TMEM132D: variants seen among roughly 807,000 people sequenced by gnomAD.
TMEM132D encodes the protein mature OL transmembrane protein.
In TMEM132D, 21 loss-of-function variants were observed where a neutral mutation model predicts 62.3. The observed-to-expected ratio is 0.34, with a 90% CI of 0.24 to 0.49. The LOEUF (loss-of-function observed/expected upper bound fraction) is 0.49, where lower values mean the gene tolerates loss of function less well. Ranked by LOEUF, TMEM132D falls within the 20% of genes least tolerant of loss-of-function variation. The pLI is 0.99. For missense variants in TMEM132D, 1,346 were observed against 1,402.8 expected (o/e 0.96, Z 0.65); for synonymous variants, 621 against 575.6 (o/e 1.08, Z -1.13).
At chr12:129,364,273 C>T (rs57517111) in intron 3 of TMEM132D, among the ~76,000 whole-genome samples, 4 of 152,196 alleles carry the variant, frequency 2.6e-5, no homozygotes, top group Admixed American at 6.5e-5. Flanking sequence ...AATTGTAACT[C>T]TCTTTGAGTG....
chr12:129,700,165 G>T lies in TMEM132D; in HGVS notation c.613C>A (p.Pro205Thr), dbSNP rs141605203. Residue 205 changes from proline to threonine, a missense_variant, in exon 2 of 9, where the codon CCC (proline) becomes ACC (threonine). Pro to Thr is a conservative substitution (Grantham distance 38). Transcript: ENST00000422113. ...CTCCTCCCGGCAACCACCGTGGGGG[G>T]GCTGAACCAGCTGGACAGGAGCTCC... is the stretch of plus-strand genomic sequence containing the variant. ...ELELLSSWFS[P>T]PTVVAGRRKS... 2.1e-4 allele frequency: 331 copies of T among 1,612,872 alleles called. 1 individual carries two copies. The highest frequency in any genetic ancestry group is 9.9e-4 in the Middle Eastern group (6 of 6,082).
chr12:129,707,198 T>G (rs998368705), intron 1 of TMEM132D, among the ~76,000 whole-genome samples: 1 of 147,940 alleles, frequency 6.8e-6, no homozygotes, highest in Non-Finnish European at 1.5e-5. Context: ...AACATTGTAA[T>G]ATAATATATA....
intron 5 of TMEM132D, among the ~76,000 whole-genome samples, chr12:129,188,762 G>GGAGAGAGAGGGAGAGAGGGA (rs1878294442): frequency 2.4e-5 from 3 of 126,224 alleles, no homozygotes; most frequent in African/African-American, 8.7e-5. Context: ...AGGGAGAGAG[G>GGAGAGAGAGGGAGAGAGGGA]GAGAGAGAGA....
chr12:129,086,199 CGCGTGTGT>C (rs1319451257), intron 5 of TMEM132D, among the ~76,000 whole-genome samples: 34 of 116,182 alleles, frequency 2.9e-4, no homozygotes, highest in East Asian at 2.5e-3. Context: ...GTCACGCGCG[CGCGTGTGT>C]GTGTGTGTGT....
intron 5 of TMEM132D, among the ~76,000 whole-genome samples, chr12:129,175,618 G>T (rs910967037): frequency 2.0e-5 from 3 of 152,172 alleles, no homozygotes; most frequent in African/African-American, 7.2e-5. Context: ...TGACGCAAGA[G>T]AATCACTTGA....
chr12:129,831,814 G>A (rs1030479707), intron 1 of TMEM132D, among the ~76,000 whole-genome samples: 27 of 151,472 alleles, frequency 1.8e-4, no homozygotes, highest in African/African-American at 6.5e-4. Context: ...GTTTGTGCAT[G>A]ACCTCCAAAT....
chr12:129,356,526 T>G (rs933711070), intron 3 of TMEM132D, among the ~76,000 whole-genome samples: 8 of 151,394 alleles, frequency 5.3e-5, no homozygotes, highest in Non-Finnish European at 1.2e-4. Flanking sequence ...TGGCAATAAA[T>G]AAGAAACGAG....
At chr12:129,883,087 T>G (rs1874650050) in intron 1 of TMEM132D, among the ~76,000 whole-genome samples, 1 of 152,000 alleles carries the variant, frequency 6.6e-6, no homozygotes, top group South Asian at 2.1e-4. Context: ...GCATAAAGAC[T>G]GAAAAGCAAG....
At chr12:129,558,489 C>A (rs148578219) in intron 2 of TMEM132D, among the ~76,000 whole-genome samples, 148 of 152,294 alleles carry the variant, frequency 9.7e-4, no homozygotes, top group African/African-American at 3.3e-3. Flanking sequence ...TAGATCAGCT[C>A]AGTGGGTGAT....
At chr12:129,446,775 C>CCT (rs1163147174) in intron 3 of TMEM132D, among the ~76,000 whole-genome samples, 3 of 152,158 alleles carry the variant, frequency 2.0e-5, no homozygotes, top group African/African-American at 7.2e-5. Context: ...ACAATTTCCC[C>CCT]CTCTCTTACT....
At chr12:129,709,812 TATC>T (rs1472719706) in intron 1 of TMEM132D, among the ~76,000 whole-genome samples, 1 of 152,226 alleles carries the variant, frequency 6.6e-6, no homozygotes, top group Admixed American at 6.5e-5. Flanking sequence ...CAAAAATGTA[TATC>T]ATATTTCATA....
intron 2 of TMEM132D, among the ~76,000 whole-genome samples, chr12:129,665,683 A>G (rs1400014060): frequency 6.6e-6 from 1 of 152,106 alleles, no homozygotes; most frequent in African/African-American, 2.4e-5. Context: ...ATGGGTAGAG[A>G]CTTGCTATGT....
intron 3 of TMEM132D, among the ~76,000 whole-genome samples, chr12:129,459,341 A>T (rs934020033): frequency 1.3e-5 from 2 of 152,180 alleles, no homozygotes; most frequent in African/African-American, 4.8e-5. Flanking sequence ...ACACTTAACA[A>T]TGAGTCATGC....
chr12:129,673,796 G>A (rs1880564640), intron 2 of TMEM132D, among the ~76,000 whole-genome samples: 1 of 152,152 alleles, frequency 6.6e-6, no homozygotes, highest in Admixed American at 6.6e-5. Context: ...AGCAATCTGA[G>A]AGTCCCTTAA....
At chr12:129,828,113 A>T (rs1484135271) in intron 1 of TMEM132D, among the ~76,000 whole-genome samples, 1 of 152,188 alleles carries the variant, frequency 6.6e-6, no homozygotes, top group East Asian at 1.9e-4. Flanking sequence ...ATATGCAAAG[A>T]TACCCACAGT....
intron 2 of TMEM132D, among the ~76,000 whole-genome samples, chr12:129,588,537 G>C (rs1407524141): frequency 6.6e-6 from 1 of 152,034 alleles, no homozygotes; most frequent in African/African-American, 2.4e-5. Flanking sequence ...TGGATGAAAG[G>C]TGAATTGTGG....
intron 4 of TMEM132D, among the ~76,000 whole-genome samples, chr12:129,272,504 AT>A (rs1880880250): frequency 6.6e-6 from 1 of 151,898 alleles, no homozygotes; most frequent in Admixed American, 6.5e-5. Context: ...GAGGTTCTTG[AT>A]AAATGGGGTA....
chr12:129,720,384 C>A (rs1275277956), intron 1 of TMEM132D, among the ~76,000 whole-genome samples: 1 of 152,168 alleles, frequency 6.6e-6, no homozygotes, highest in Admixed American at 6.5e-5. Context: ...GATTCTAGAA[C>A]CTGCCCAGTA....
At chr12:129,172,415 T>C (rs1401524431) in intron 5 of TMEM132D, among the ~76,000 whole-genome samples, 1 of 152,258 alleles carries the variant, frequency 6.6e-6, no homozygotes, top group Non-Finnish European at 1.5e-5. Flanking sequence ...AGTTTTCCTT[T>C]GCATTCACAA....
Sources: gnomAD v4.1 joint callset for allele counts (sites outside exome capture counted in the v4.1 genomes callset) on GRCh38, gnomAD v4.1.1 for gene constraint, MANE v1.5 for transcripts, NCBI Gene and HGNC (gene_info 2026-07-23, HGNC 2026-07-21) for gene names.